FBXO41: variants seen among roughly 807,000 people sequenced by gnomAD.
The protein encoded by FBXO41 is F-box protein 41, also known as F-box only protein 41.
FBXO41 carries 33 observed loss-of-function variants against 81.6 expected under a neutral mutation model. That is an observed-to-expected ratio of 0.40 (90% CI 0.31 to 0.54). The LOEUF is 0.54. Ranked by LOEUF, FBXO41 falls within the 20% of genes least tolerant of loss-of-function variation. The pLI is 0.39. For synonymous variants in FBXO41, 576 were observed against 552.7 expected (o/e 1.04, Z -0.59); for missense variants, 1,107 against 1,236.0 (o/e 0.90, Z 1.56).
rs768442301 is a variant in FBXO41, at chr2:73,266,498, C to T, written c.1090G>A (p.Gly364Ser). The T allele has an allele frequency of 5.0e-6, 8 of 1,586,882 alleles. No individual in the cohort carries two copies. The African/African-American group carries it at 1.1e-4, about 21-fold the overall frequency. Residue 364 changes from glycine (G) to serine (S), a missense_variant, in exon 3 of 13, where the codon GGC (glycine) becomes AGC (serine). Transcript: ENST00000520530. The surrounding 1 kb of genome is among the most constrained non-coding windows in gnomAD (Gnocchi z 5.3). ...PSASLGRGGGGGGAGPNARGP... is the reference protein window; with the variant it reads ...PSASLGRGGGSGGAGPNARGP... ...CGGGCATTGGGTCCAGCACCACCGC[C>T]CCCACCTCCACGGCCCAGGCTGGCG...
In FBXO41 at chr2:73,266,738, T is replaced by C; in HGVS notation, c.906-56A>G. On this transcript the variant is annotated intron_variant, in intron 2 of 12. Coordinates refer to ENST00000520530, the MANE Select transcript of FBXO41 (RefSeq NM_001371389.2). The surrounding 1 kb of genome is among the most constrained non-coding windows in gnomAD (Gnocchi z 5.3). Reference sequence around the variant, plus strand: ...CCTCAGCCTGCCTGCCCACCCACCCTCTGGAGGAGAGCCTGGCCAGTGCGG... The same window carrying C: ...CCTCAGCCTGCCTGCCCACCCACCCCCTGGAGGAGAGCCTGGCCAGTGCGG... 1 of 1,482,460 alleles carries C rather than the reference T, an allele frequency of 6.7e-7. No homozygotes were observed. The highest frequency in any genetic ancestry group is 2.3e-5 in the Admixed American group (1 of 44,330). The allele number at this position is 1,482,460 out of a possible 1,614,324, so 91.8% of individuals were successfully genotyped here. A position where few individuals can be genotyped will look rare whatever the true frequency, so the allele number is the denominator to read the frequency against.
rs772897926 is a variant in FBXO41 at position 73,264,519 on chromosome 2, G to A, written c.1565C>T (p.Ala522Val). Reference protein sequence around the residue: ...AGPLSSCRLSARPEGGSGRGR... With the variant: ...AGPLSSCRLSVRPEGGSGRGR... Reference sequence around the variant, plus strand: ...CCGCCCACTGCCTCCCTCGGGGCGGGCTGCAGAATACCAGGGGTTCAAAAG... The same window carrying A: ...CCGCCCACTGCCTCCCTCGGGGCGGACTGCAGAATACCAGGGGTTCAAAAG... Residue 522 changes from alanine (A) to valine (V), a missense_variant and splice_region_variant, in exon 6 of 13, where the codon GCC becomes GTC. By Grantham distance (64) the Ala-to-Val change is moderately conservative. Around this residue, in one of 2 missense-constraint regions of FBXO41, gnomAD observed 771 missense variants for 789.2 expected, o/e 0.98. Transcript: ENST00000520530. The A allele has an allele frequency of 7.4e-6, 12 of 1,613,200 alleles. No individual in the cohort carries two copies. Among genetic ancestry groups the A allele is most frequent in the Admixed American group, 3.3e-5 (2 of 60,006 alleles).
At chr2:73,270,087 C>T (rs1688445420) in intron 1 of FBXO41, among the ~76,000 whole-genome samples, 1 of 152,082 alleles carries the variant, frequency 6.6e-6, no homozygotes, top group African/African-American at 2.4e-5. Flanking sequence ...TGGAATCTAC[C>T]CAGCAATAAG....
rs542172533 is a variant in FBXO41 at position 73,266,111 on chromosome 2, A to G, written c.1132-145T>C. The G allele has an allele frequency of 1.4e-5, 11 of 781,248 alleles. No individual in the cohort carries two copies. The highest frequency in any genetic ancestry group is 4.4e-5 in the Admixed American group (2 of 45,922). The allele number at this position is 781,248 out of a possible 1,614,324, so 48.4% of individuals were successfully genotyped here. A position where few individuals can be genotyped will look rare whatever the true frequency, so the allele number is the denominator to read the frequency against. On this transcript the variant is annotated intron_variant, in intron 3 of 12. Coordinates refer to ENST00000520530, the MANE Select transcript of FBXO41 (RefSeq NM_001371389.2). This position sits in a 1 kb window ranked among gnomAD's most constrained non-coding sequence, Gnocchi z 5.3. ...GAAAATAGTTGGGAAAGATGGACAA[A>G]TGGACAGACAGACAGCCCAGAGAGG...
intron 2 of FBXO41, among the ~76,000 whole-genome samples, chr2:73,268,354 T>C (rs1259168802): frequency 1.3e-5 from 2 of 152,160 alleles, no homozygotes; most frequent in Non-Finnish European, 2.9e-5. Flanking sequence ...AGAAATGACA[T>C]GTCTGTATGC....
rs761107025 is a variant in FBXO41 at position 73,263,793 on chromosome 2, C to T, written c.1960G>A (p.Ala654Thr). 6.2e-7 allele frequency: 1 copy of T among 1,614,048 alleles called. No homozygotes were observed. The highest frequency in any genetic ancestry group is 1.7e-5 in the Admixed American group (1 of 60,032). Residue 654 changes from alanine (A) to threonine (T), a missense_variant, in exon 8 of 13, where the codon GCA (alanine) becomes ACA (threonine). Coordinates refer to ENST00000520530, the MANE Select transcript of FBXO41 (RefSeq NM_001371389.2). The part of the protein sequence containing the change: ...LEAGLESLLK[A>T]AGGNLLILRI... ...AGGATCAGCAGGTTCCCCCCAGCTG[C>T]CTTCAGCAGGGACTCCAGCCCAGCT...
rs776862486 is a variant in FBXO41, at chr2:73,264,455, A to T, written c.1629T>A (p.Asn543Lys). 1.2e-6 allele frequency: 2 copies of T among 1,613,594 alleles called. No individual in the cohort carries two copies. The highest frequency in any genetic ancestry group is 2.2e-5 in the South Asian group (2 of 91,082). The change falls in exon 6 of 13, where the codon AAT (asparagine) becomes AAA (lysine). Residue 543 changes from asparagine to lysine, a missense_variant. By Grantham distance (94) the Asn-to-Lys change is moderately conservative. Coordinates refer to ENST00000520530, the MANE Select transcript of FBXO41 (RefSeq NM_001371389.2). ...RAERVSPSRS[N>K]EVISPEILKM... ...TCAGGATCTCTGGGCTGATGACCTC[A>T]TTGGAGCGTGAGGGGCTGACCCTCT...
intron 1 of FBXO41, among the ~76,000 whole-genome samples, chr2:73,276,560 C>CAGAGAGAGAG (rs533998261): frequency 3.6e-3 from 380 of 106,364 alleles, no homozygotes; most frequent in East Asian, 0.016. Flanking sequence ...CAAATCTATT[C>CAGAGAGAGAG]AGAGAGAGAG....
intron 8 of FBXO41, 88 bp from the exon 9 acceptor site, chr2:73,263,396 G>T: frequency 2.9e-6 from 3 of 1,029,808 alleles, no homozygotes; most frequent in South Asian, 1.7e-5. Context: ...CGAGGTTGGG[G>T]ATCGCCTGAG....
chr2:73,257,677 C>T lies in FBXO41; in HGVS notation c.*1305G>A, dbSNP rs1053428766. 4.6e-5 allele frequency: 7 copies of T among 152,268 alleles called. No homozygotes were observed. Among genetic ancestry groups the T allele is most frequent in the Admixed American group, 4.6e-4 (7 of 15,288 alleles). 9.4% of individuals were successfully genotyped at this position (152,268 alleles called of 1,614,324 possible). A position where few individuals can be genotyped will look rare whatever the true frequency, so the allele number is the denominator to read the frequency against. On this transcript the variant is annotated 3_prime_UTR_variant, in exon 13 of 13. Coordinates refer to ENST00000520530, the MANE Select transcript of FBXO41 (RefSeq NM_001371389.2). This position sits in a 1 kb window ranked among gnomAD's most constrained non-coding sequence, Gnocchi z 4.6. ...ACTGTGGGAGTTCTGAGAGGAGGAA[C>T]TGGGGAGACCTCAGCCTTTGGAGCC... is the stretch of plus-strand genomic sequence containing the variant.
Position 73,266,702 on chromosome 2 carries a change from T to C in FBXO41, c.906-20A>G. 6.5e-7 allele frequency: 1 copy of C among 1,539,550 alleles called. No homozygotes were observed. The highest frequency in any genetic ancestry group is 2.4e-5 in the East Asian group (1 of 42,402). On this transcript the variant is annotated intron_variant, in intron 2 of 12. Coordinates refer to ENST00000520530, the MANE Select transcript of FBXO41 (RefSeq NM_001371389.2). The surrounding 1 kb of genome is among the most constrained non-coding windows in gnomAD (Gnocchi z 5.3). ...ACCTCCCTGGGCCCAGAGCAGTCTC[T>C]TACCCCAGAGCCTCAGCCTGCCTGC...
intron 9 of FBXO41, among the ~76,000 whole-genome samples, chr2:73,261,678 A>G (rs1402746124): frequency 3.3e-5 from 5 of 152,192 alleles, no homozygotes; most frequent in Non-Finnish European, 7.3e-5. Context: ...AATAGCTTCC[A>G]ATACTTTCTA....
intron 1 of FBXO41, among the ~76,000 whole-genome samples, chr2:73,274,459 T>C (rs1232505143): frequency 2.6e-5 from 4 of 152,230 alleles, no homozygotes; most frequent in Non-Finnish European, 4.4e-5. Flanking sequence ...TTTACTTTTG[T>C]TTATGGTCTT....
intron 1 of FBXO41, chr2:73,270,876 G>A (rs1265175026): frequency 1.9e-6 from 1 of 534,504 alleles, no homozygotes; most frequent in Admixed American, 1.9e-5. Flanking sequence ...CTGTGATCAA[G>A]GTCACAGACC....
chr2:73,258,745 A>C lies in FBXO41; in HGVS notation c.*237T>G. The C allele has an allele frequency of 2.1e-6, 1 of 470,182 alleles. No individual in the cohort carries two copies. The highest frequency in any genetic ancestry group is 3.6e-5 in the Admixed American group (1 of 27,842). 29.1% of individuals were successfully genotyped at this position (470,182 alleles called of 1,614,324 possible). A position where few individuals can be genotyped will look rare whatever the true frequency, so the allele number is the denominator to read the frequency against. On this transcript the variant is annotated 3_prime_UTR_variant, in exon 13 of 13. Coordinates refer to ENST00000520530, the MANE Select transcript of FBXO41 (RefSeq NM_001371389.2). ...TGCCAGAGGCTACTCCAGCCGGGGT[A>C]GGGTGGGGGTCGGAGGGCAGCTTCT...
Position 73,263,671 on chromosome 2 carries a change from G to A in FBXO41, c.2075+7C>T. On this transcript the variant is annotated splice_region_variant and intron_variant, in intron 8 of 12. Transcript: ENST00000520530. ...GAACAGGCCATGCTTCTAGTCGGTT[G>A]ACCCACCTGTACGTGACAGCCTGCA... 1 of 1,612,790 alleles carries A rather than the reference G, an allele frequency of 6.2e-7. No individual in the cohort carries two copies. The highest frequency in any genetic ancestry group is 8.5e-7 in the Non-Finnish European group (1 of 1,179,840).
rs1412493301 is a variant in FBXO41 at position 73,269,451 on chromosome 2, A to AGCGGCGGCG, written c.171_179dup (p.Ala59_Ala61dup). 7.7e-7 allele frequency: 1 copy of AGCGGCGGCG among 1,291,818 alleles called. No individual in the cohort carries two copies. The highest frequency in any genetic ancestry group is 9.8e-7 in the Non-Finnish European group (1 of 1,022,876). 80.0% of individuals were successfully genotyped at this position (1,291,818 alleles called of 1,614,324 possible). A position where few individuals can be genotyped will look rare whatever the true frequency, so the allele number is the denominator to read the frequency against. The stretch of plus-strand genomic sequence containing the variant: ...CGGGAGCCAGCGGGAACCCCGAGGC[A>AGCGGCGGCG]GCGGCGGCGGCGGCCGCGGCGGCGG... On this transcript the variant is annotated inframe_insertion, in exon 2 of 13. Coordinates refer to ENST00000520530, the MANE Select transcript of FBXO41 (RefSeq NM_001371389.2). The surrounding 1 kb of genome is among the most constrained non-coding windows in gnomAD (Gnocchi z 7.0).
In FBXO41 at chr2:73,265,480, G is replaced by C. The variant is rs778527502; in HGVS notation, c.1366C>G (p.Pro456Ala). The C allele has an allele frequency of 1.2e-5, 20 of 1,601,340 alleles. No homozygotes were observed. In the African/African-American group the frequency reaches 2.0e-4, roughly 16 times the overall value. Reference protein sequence around the residue: ...AANGGSERSQPPRSSGLRRQA... With the variant: ...AANGGSERSQAPRSSGLRRQA... ...CGCCGCAGGCCTGAGCTGCGAGGGG[G>C]CTGGGACCGCTCTGAGCCCCCGTTG... Residue 456 changes from proline (P) to alanine (A), a missense_variant, in exon 5 of 13, where the codon CCC (proline) becomes GCC (alanine). Transcript: ENST00000520530.
intron 6 of FBXO41, 51 bp downstream of exon 6, chr2:73,264,227 G>C (rs1250569468): frequency 6.2e-7 from 1 of 1,609,990 alleles, no homozygotes; most frequent in African/African-American, 1.3e-5. Context: ...TTCTACCCAG[G>C]GGGAAAGGTG....
Sources: allele counts gnomAD v4.1 joint callset (sites outside exome capture counted in the v4.1 genomes callset), GRCh38; gene constraint gnomAD v4.1.1; regional missense constraint gnomAD v4.1.1; non-coding constraint Gnocchi (gnomAD v3.1); transcripts MANE v1.5; gene names NCBI Gene and HGNC (gene_info 2026-07-23, HGNC 2026-07-21).